GREB1L: variants seen among roughly 807,000 people sequenced by gnomAD.
The protein encoded by GREB1L is GREB1-like protein.
GREB1L carries 17 observed loss-of-function variants against 200.8 expected under a neutral mutation model. The ratio of observed to expected loss-of-function variants is 0.08; its 90% CI spans 0.06 to 0.13. The LOEUF (loss-of-function observed/expected upper bound fraction) is 0.13. Ranked by LOEUF, GREB1L falls within the 10% of genes least tolerant of loss-of-function variation. GREB1L has a pLI of 1.00. For synonymous variants in GREB1L, 789 were observed against 893.0 expected (o/e 0.88, Z 2.08); for missense variants, 1,657 against 2,367.7 (o/e 0.70, Z 6.23).
intron 4 of GREB1L, among the ~76,000 whole-genome samples, chr18:21,390,114 A>G (rs1441236021): frequency 6.6e-6 from 1 of 152,198 alleles, no homozygotes; most frequent in Non-Finnish European, 1.5e-5. Context: ...AAGTAGTGCA[A>G]TGCATTACTC....
At chr18:21,396,970 G>A (rs1379357009) in intron 5 of GREB1L, among the ~76,000 whole-genome samples, 5 of 152,104 alleles carry the variant, frequency 3.3e-5, no homozygotes, top group African/African-American at 1.2e-4. Flanking sequence ...AAAGGAAAAA[G>A]AATAGAGCAA....
At chr18:21,378,327 T>C (rs1434685188) in intron 2 of GREB1L, among the ~76,000 whole-genome samples, 1 of 152,244 alleles carries the variant, frequency 6.6e-6, no homozygotes, top group African/African-American at 2.4e-5. Context: ...TAGTCAGCAC[T>C]AAATTAAGTC....
chr18:21,338,457 T>A (rs1385480174), intron 1 of GREB1L, among the ~76,000 whole-genome samples: 1 of 152,284 alleles, frequency 6.6e-6, no homozygotes, highest in African/African-American at 2.4e-5. Flanking sequence ...CTGTAGCCAT[T>A]GCTGAAACAA....
chr18:21,407,947 TG>T (rs1406435166), intron 7 of GREB1L, among the ~76,000 whole-genome samples: 1 of 152,116 alleles, frequency 6.6e-6, no homozygotes, highest in African/African-American at 2.4e-5. Context: ...AGTAGAATGA[TG>T]GTTACCAGAG....
rs2040417363 is a variant in GREB1L at position 21,383,660 on chromosome 18, C to T, written c.142C>T (p.Pro48Ser). 6.5e-7 allele frequency: 1 copy of T among 1,550,342 alleles called. No homozygotes were observed. The highest frequency in any genetic ancestry group is 8.7e-7 in the Non-Finnish European group (1 of 1,146,534). Reference sequence around the variant, plus strand: ...GCTATACCTGGACCCTGACCAGCATCCTTTCTCATCTGCAGGTAAGTTTCT... The same window carrying T: ...GCTATACCTGGACCCTGACCAGCATTCTTTCTCATCTGCAGGTAAGTTTCT... ...SQLYLDPDQH[P>S]FSSADVKPKV... Residue 48 changes from proline (P) to serine (S), a missense_variant, in exon 3 of 33, where the codon CCT becomes TCT. Pro to Ser is a moderately conservative substitution (Grantham distance 74, BLOSUM62 -1). Around this residue, in one of 9 missense-constraint regions of GREB1L, gnomAD observed 121 missense variants for 126.6 expected, o/e 0.96. Transcript: ENST00000424526.
At chr18:21,260,580 T>C (rs561380558) in intron 1 of GREB1L, among the ~76,000 whole-genome samples, 23 of 152,128 alleles carry the variant, frequency 1.5e-4, no homozygotes, top group African/African-American at 3.8e-4. Context: ...TTGTTCCGAG[T>C]TGACTTTTGT....
chr18:21,395,786 A>G (rs1378373484), intron 5 of GREB1L, among the ~76,000 whole-genome samples: 9 of 148,376 alleles, frequency 6.1e-5, no homozygotes, highest in East Asian at 2.0e-4. Context: ...CTGGAGTGCA[A>G]TGGTGCAGTC....
At chr18:21,521,501 G>A (rs1417972249) in intron 32 of GREB1L, among the ~76,000 whole-genome samples, 2 of 152,136 alleles carry the variant, frequency 1.3e-5, no homozygotes, top group East Asian at 3.9e-4. Flanking sequence ...TGAGAACAGG[G>A]AGAGGGGTTG....
At chr18:21,454,586 G>C in intron 15 of GREB1L, 23 bp downstream of exon 15, 1 of 1,527,958 alleles carries the variant, frequency 6.5e-7, no homozygotes, top group Admixed American at 2.0e-5. Context: ...TTTCAAAGAG[G>C]AGCCCACCTA....
intron 15 of GREB1L, among the ~76,000 whole-genome samples, chr18:21,470,294 T>G (rs1026227605): frequency 3.3e-5 from 5 of 151,698 alleles, no homozygotes; most frequent in African/African-American, 1.2e-4. Flanking sequence ...TCTCTTTAAA[T>G]TTTTTTTTAA....
chr18:21,488,305 AAAAG>A (rs2036204461), intron 18 of GREB1L, among the ~76,000 whole-genome samples: 2 of 152,210 alleles, frequency 1.3e-5, no homozygotes, highest in Non-Finnish European at 2.9e-5. Flanking sequence ...CGAAAAAAGA[AAAAG>A]AAAAGGCAGA....
At chr18:21,375,351 C>A (rs749041196) in intron 2 of GREB1L, among the ~76,000 whole-genome samples, 2 of 151,986 alleles carry the variant, frequency 1.3e-5, no homozygotes, top group South Asian at 2.1e-4. Flanking sequence ...CGTGAGCCAC[C>A]GCACCTGGCC....
At chr18:21,506,061 G>C in intron 25 of GREB1L, 112 bp downstream of exon 25, 6 of 1,155,944 alleles carry the variant, frequency 5.2e-6, no homozygotes, top group Non-Finnish European at 7.1e-6. Context: ...CTCTGGTAAA[G>C]GATAGTTTAC....
At chr18:21,505,343 C>T in intron 23 of GREB1L, 69 bp from the exon 24 acceptor site, 1 of 1,424,634 alleles carries the variant, frequency 7.0e-7, no homozygotes, top group Non-Finnish European at 9.5e-7. Flanking sequence ...CCCATAAAAG[C>T]CATTCTCTCT....
chr18:21,396,042 T>C (rs2144385593), intron 5 of GREB1L, among the ~76,000 whole-genome samples: 1 of 147,736 alleles, frequency 6.8e-6, no homozygotes, highest in Non-Finnish European at 1.5e-5. Flanking sequence ...TTTTCTTTCT[T>C]TTTTTTTTTT....
intron 16 of GREB1L, among the ~76,000 whole-genome samples, chr18:21,475,423 G>A (rs1239687197): frequency 1.3e-5 from 2 of 152,040 alleles, no homozygotes; most frequent in Middle Eastern, 3.2e-3. Flanking sequence ...GCAGTGATGC[G>A]ATCTCGGCTC....
At chr18:21,495,072 G>A (rs2036495787) in intron 19 of GREB1L, among the ~76,000 whole-genome samples, 1 of 152,074 alleles carries the variant, frequency 6.6e-6, no homozygotes, top group Non-Finnish European at 1.5e-5. Flanking sequence ...TCCAGGTCTG[G>A]TTATATTTTT....
intron 4 of GREB1L, among the ~76,000 whole-genome samples, chr18:21,392,414 A>G (rs2040862824): frequency 6.6e-6 from 1 of 152,206 alleles, no homozygotes; most frequent in Admixed American, 6.5e-5. Context: ...TAAACGAAGT[A>G]ATATGACCGA....
At chr18:21,267,443 AAGTGCT>A (rs1357832450) in intron 1 of GREB1L, among the ~76,000 whole-genome samples, 1 of 152,096 alleles carries the variant, frequency 6.6e-6, no homozygotes, top group African/African-American at 2.4e-5. Flanking sequence ...CGGTCTCCCA[AAGTGCT>A]GGGATTACAG....
Sources: gnomAD v4.1 joint callset for allele counts (sites outside exome capture counted in the v4.1 genomes callset) on GRCh38, gnomAD v4.1.1 for gene constraint, gnomAD v4.1.1 regional missense constraint, MANE v1.5 for transcripts, NCBI Gene and HGNC (gene_info 2026-07-23, HGNC 2026-07-21) for gene names.